The following ME3 variants were observed in gnomAD, a reference collection of about 807,000 sequenced individuals.
The protein encoded by ME3 is malic enzyme 3.
A neutral mutation model predicts 68.9 loss-of-function variants in ME3; 48 were observed. The observed-to-expected ratio is 0.70, with a 90% CI of 0.55 to 0.89. The LOEUF is 0.89. ME3 is among the 40% of genes least tolerant of loss of function. The pLI is 0.00. For synonymous variants in ME3, 320 were observed against 318.8 expected (o/e 1.00, Z -0.04); for missense variants, 675 against 797.4 (o/e 0.85, Z 1.85).
At chr11:86,610,883 A>G (rs1465391183) in intron 2 of ME3, among the ~76,000 whole-genome samples, 1 of 152,238 alleles carries the variant, frequency 6.6e-6, no homozygotes, top group Non-Finnish European at 1.5e-5. Context: ...AACAGCACCA[A>G]CTGTTGGCCA....
At chr11:86,550,044 A>G (rs1956587434) in intron 4 of ME3, among the ~76,000 whole-genome samples, 1 of 152,210 alleles carries the variant, frequency 6.6e-6, no homozygotes, top group South Asian at 2.1e-4. Flanking sequence ...AGCAGTTCTC[A>G]GCCCTGGCTG....
chr11:86,547,669 A>G (rs1001974013), intron 4 of ME3, among the ~76,000 whole-genome samples: 1 of 152,192 alleles, frequency 6.6e-6, no homozygotes, highest in Admixed American at 6.5e-5. Flanking sequence ...AAAAACAAAA[A>G]AAATAAGAAG....
In ME3 at chr11:86,560,770, A is replaced by ATATATATATATATATATATATT. The variant is rs1405684410; in HGVS notation, c.184-948_184-947insAATATATATATATATATATATA. Among the ~76,000 whole-genome samples, 50 of 132,134 alleles carry ATATATATATATATATATATATT rather than the reference A, an allele frequency of 3.8e-4. 1 individual carries two copies. The highest frequency in any genetic ancestry group is 9.6e-4 in the South Asian group (4 of 4,176). The allele number at this position is 132,134 out of a possible 152,430, so 86.7% of individuals were successfully genotyped here. A position where few individuals can be genotyped will look rare whatever the true frequency, so the allele number is the denominator to read the frequency against. On this transcript the variant is annotated intron_variant, in intron 2 of 14. Transcript: ENST00000543262. Reference sequence around the variant, plus strand: ...TGTGTATATATATATATATATATATATATTTCCAGGACCCATCCAGGATCT... The same window carrying ATATATATATATATATATATATT: ...TGTGTATATATATATATATATATATATATATATATATATATATATATTTATTTCCAGGACCCATCCAGGATCT...
intron 2 of ME3, among the ~76,000 whole-genome samples, chr11:86,662,435 A>ATT (rs560067030): frequency 1.9e-4 from 29 of 149,976 alleles, no homozygotes; most frequent in African/African-American, 6.9e-4. Context: ...CAGAAAATTA[A>ATT]TTTTTTTTTT....
rs1262121737 is a variant in ME3, at chr11:86,671,965, CG to C, written c.-14-8del. ...CCCATGGTCCTTGGCAGACCTGGCA[CG>C]GGAGAGAAAGCAAGGTCAGGGCCTC... On this transcript the variant is annotated splice_polypyrimidine_tract_variant and splice_region_variant and intron_variant, in intron 1 of 14. Transcript: ENST00000543262. The C allele has an allele frequency of 4.4e-5, 61 of 1,390,540 alleles. No individual in the cohort carries two copies. The highest frequency in any genetic ancestry group is 4.8e-5 in the Non-Finnish European group (52 of 1,079,242). The allele number at this position is 1,390,540 out of a possible 1,614,324, so 86.1% of individuals were successfully genotyped here. A position where few individuals can be genotyped will look rare whatever the true frequency, so the allele number is the denominator to read the frequency against.
chr11:86,467,354 G>C (rs1305743543), intron 7 of ME3, among the ~76,000 whole-genome samples: 5 of 152,100 alleles, frequency 3.3e-5, no homozygotes, highest in Admixed American at 3.3e-4. Flanking sequence ...GGCTCACTGT[G>C]TCTCCCCACC....
At chr11:86,471,052 C>T (rs1411888186) in intron 7 of ME3, among the ~76,000 whole-genome samples, 1 of 151,928 alleles carries the variant, frequency 6.6e-6, no homozygotes, top group Non-Finnish European at 1.5e-5. Flanking sequence ...TTGCACGGTC[C>T]CCTGTCTTTG....
chr11:86,526,443 C>T (rs1954753124), intron 4 of ME3, among the ~76,000 whole-genome samples: 3 of 152,224 alleles, frequency 2.0e-5, no homozygotes, highest in African/African-American at 4.8e-5. Flanking sequence ...CCTCTCGGGG[C>T]AGGGCAATGC....
chr11:86,441,572 T>TGAAA, intron 14 of ME3, 132 bp from the exon 15 acceptor site: 1 of 833,174 alleles, frequency 1.2e-6, no homozygotes, highest in East Asian at 2.7e-5. Flanking sequence ...GTATGGCTCA[T>TGAAA]GAAACAACTG....
chr11:86,612,273 T>C (rs1942637929), intron 2 of ME3, among the ~76,000 whole-genome samples: 2 of 152,238 alleles, frequency 1.3e-5, no homozygotes, highest in Admixed American at 1.3e-4. Flanking sequence ...TAGTATTCCA[T>C]AGTGTGTATG....
chr11:86,535,125 C>G (rs975478600), intron 4 of ME3, among the ~76,000 whole-genome samples: 3 of 152,132 alleles, frequency 2.0e-5, no homozygotes, highest in African/African-American at 7.2e-5. Context: ...AGCATTTTAC[C>G]TGTATTTGTC....
At chr11:86,548,836 A>G (rs1244652097) in intron 4 of ME3, among the ~76,000 whole-genome samples, 1 of 152,158 alleles carries the variant, frequency 6.6e-6, no homozygotes, top group Non-Finnish European at 1.5e-5. Context: ...CATGACTCCC[A>G]GCTCCTTCTA....
chr11:86,644,511 C>G (rs914533942), intron 2 of ME3, among the ~76,000 whole-genome samples: 1 of 152,178 alleles, frequency 6.6e-6, no homozygotes, highest in African/African-American at 2.4e-5. Context: ...TCATCACACT[C>G]CTATTAGACT....
At chr11:86,514,514 C>G (rs971908262) in intron 4 of ME3, among the ~76,000 whole-genome samples, 1 of 152,184 alleles carries the variant, frequency 6.6e-6, no homozygotes, top group Non-Finnish European at 1.5e-5. Context: ...TCATACAAAG[C>G]ACTGACAAGT....
intron 2 of ME3, among the ~76,000 whole-genome samples, chr11:86,562,570 A>T (rs553086199): frequency 2.0e-5 from 3 of 152,124 alleles, no homozygotes; most frequent in African/African-American, 7.2e-5. Context: ...AGTTTTTTGG[A>T]TTTTAGTTGT....
In ME3 at chr11:86,600,232, G is replaced by A. The variant is rs200415555; in HGVS notation, c.184-40409C>T. Among the ~76,000 whole-genome samples, 7 of 152,192 alleles carry A rather than the reference G, an allele frequency of 4.6e-5. No homozygotes were observed. In the East Asian group the frequency reaches 1.4e-3, roughly 29 times the overall value. Reference sequence around the variant, plus strand: ...CATCTCACGTGCAGAGACACACATAGGCTCAAAATAAAAGGATGGAGGAAG... The same window carrying A: ...CATCTCACGTGCAGAGACACACATAAGCTCAAAATAAAAGGATGGAGGAAG... On this transcript the variant is annotated intron_variant, in intron 2 of 14. Coordinates refer to ENST00000543262, the Ensembl canonical transcript of ME3.
intron 2 of ME3, among the ~76,000 whole-genome samples, chr11:86,657,231 A>G (rs1301030325): frequency 1.3e-5 from 2 of 152,220 alleles, no homozygotes; most frequent in Admixed American, 1.3e-4. Context: ...ATGCCCATCA[A>G]TGATAGGCTG....
At chr11:86,483,190 C>G (rs1951509562) in intron 7 of ME3, among the ~76,000 whole-genome samples, 1 of 152,102 alleles carries the variant, frequency 6.6e-6, no homozygotes, top group Non-Finnish European at 1.5e-5. Context: ...TGAACAGAAA[C>G]CTTTAGGGTA....
intron 4 of ME3, among the ~76,000 whole-genome samples, chr11:86,534,839 G>A (rs1322826328): frequency 6.6e-6 from 1 of 152,004 alleles, no homozygotes; most frequent in Non-Finnish European, 1.5e-5. Context: ...GTTTTCCCAG[G>A]GTAATGTTTA....
Sources: gnomAD v4.1 joint callset for allele counts (sites outside exome capture counted in the v4.1 genomes callset) on GRCh38, gnomAD v4.1.1 for gene constraint, MANE v1.5 for transcripts, NCBI Gene and HGNC (gene_info 2026-07-23, HGNC 2026-07-21) for gene names.